Variants in SPTBN1 observed in about 807,000 individuals in gnomAD.
The protein encoded by SPTBN1 is spectrin beta, non-erythrocytic 1.
Under a neutral mutation model 266.4 loss-of-function variants are expected in SPTBN1, and 32 were observed. That is an observed-to-expected ratio of 0.12 (90% confidence interval 0.09 to 0.16). The LOEUF is 0.16. SPTBN1 is among the 10% of genes least tolerant of loss of function. The probability of loss-of-function intolerance (pLI) is 1.00; values close to 1 mark genes in which losing one functional copy is unlikely to be tolerated. For missense variants in SPTBN1, 2,296 were observed against 3,067.1 expected (o/e 0.75, Z 5.94); for synonymous variants, 1,336 against 1,162.2 (o/e 1.15, Z -3.04).
chr2:54,485,793 T>A (rs1668339054), intron 1 of SPTBN1, among the ~76,000 whole-genome samples: 2 of 148,746 alleles, frequency 1.3e-5, no homozygotes, highest in African/African-American at 5.1e-5. Context: ...GAGGAGCGTC[T>A]CTGCCCGGCC....
intron 2 of SPTBN1, among the ~76,000 whole-genome samples, chr2:54,546,284 A>C (rs906977652): frequency 2.0e-5 from 3 of 152,228 alleles, no homozygotes; most frequent in Non-Finnish European, 4.4e-5. Context: ...CATTGACAGA[A>C]TATCAGTGTT....
chr2:54,558,714 G>C lies in SPTBN1; in HGVS notation c.148+32148G>C, dbSNP rs1673055299. Reference sequence around the variant, plus strand: ...TGCGGAGGCTGCTGCGTGTTGGATGGGAGTGGGAGGGGGCTGGAGCGAGAT... The same window carrying C: ...TGCGGAGGCTGCTGCGTGTTGGATGCGAGTGGGAGGGGGCTGGAGCGAGAT... On this transcript the variant is annotated intron_variant, in intron 2 of 35. Transcript: ENST00000356805. This position sits in a 1 kb window ranked among gnomAD's most constrained non-coding sequence, Gnocchi z 4.6. 6.4e-7 allele frequency: 1 copy of C among 1,573,414 alleles called. No individual in the cohort carries two copies. Among genetic ancestry groups the C allele is most frequent in the African/African-American group, 1.3e-5 (1 of 74,264 alleles).
intron 7 of SPTBN1, 87 bp from the exon 8 acceptor site, chr2:54,621,313 G>T: frequency 2.2e-6 from 2 of 896,046 alleles, no homozygotes; most frequent in South Asian, 3.0e-5. Flanking sequence ...GTTCCATGTT[G>T]ACCAGCAGTC....
At chr2:54,625,336 T>TTGA (rs1678252058) in intron 11 of SPTBN1, among the ~76,000 whole-genome samples, 2 of 152,188 alleles carry the variant, frequency 1.3e-5, no homozygotes, top group African/African-American at 4.8e-5. Flanking sequence ...TCCACCTGGC[T>TTGA]TGACATAAGC....
chr2:54,569,359 T>A (rs1462712951), intron 2 of SPTBN1, among the ~76,000 whole-genome samples: 1 of 152,226 alleles, frequency 6.6e-6, no homozygotes, highest in Non-Finnish European at 1.5e-5. Flanking sequence ...TCCTTCCTGT[T>A]ACTCTAGATA....
In SPTBN1 at chr2:54,526,499, C is replaced by T. The variant is rs754038680; in HGVS notation, c.81C>T (p.Val27=). Residue 27 remains valine (V), a synonymous_variant, in exon 2 of 36, where the codon GTC becomes GTT. Transcript: ENST00000356805. ...QYSDVNNRWD[V]DDWDNENSSA... Reference sequence around the variant, plus strand: ...GTGATGTCAACAACCGCTGGGATGTCGACGACTGGGACAATGAGAACAGCT... The same window carrying T: ...GTGATGTCAACAACCGCTGGGATGTTGACGACTGGGACAATGAGAACAGCT... 49 of 1,614,028 alleles carry T rather than the reference C, an allele frequency of 3.0e-5. No homozygotes were observed. The highest frequency in any genetic ancestry group is 8.8e-5 in the South Asian group (8 of 91,076).
chr2:54,649,496 A>G lies in SPTBN1; in HGVS notation c.5203-119A>G, dbSNP rs1680128551. On this transcript the variant is annotated intron_variant, in intron 25 of 35. Coordinates refer to ENST00000356805, the MANE Select transcript of SPTBN1 (RefSeq NM_003128.3). The surrounding 1 kb of genome is among the most constrained non-coding windows in gnomAD (Gnocchi z 6.7). ...AGCTAAGATCTATTGTTCTGAAGTC[A>G]TGAGTATTATTGGCTACATCTTGCT... The G allele has an allele frequency of 1.4e-6, 2 of 1,420,288 alleles. No homozygotes were observed. The highest frequency in any genetic ancestry group is 2.5e-4 in the Middle Eastern group (1 of 3,924). 88.0% of individuals were successfully genotyped at this position (1,420,288 alleles called of 1,614,324 possible).
At chr2:54,608,317 T>A (rs1320117908) in intron 3 of SPTBN1, among the ~76,000 whole-genome samples, 3 of 152,186 alleles carry the variant, frequency 2.0e-5, no homozygotes, top group Admixed American at 2.0e-4. Context: ...CTGGGCTCTG[T>A]GGTCCAGCCT....
Position 54,644,386 on chromosome 2 carries a change from G to C in SPTBN1, c.4069G>C (p.Gly1357Arg). Residue 1357 changes from glycine (G) to arginine (R), a missense_variant, in exon 20 of 36, where the codon GGT (glycine) becomes CGT (arginine). Physicochemically the swap from Gly to Arg is moderately radical, Grantham distance 125. Coordinates refer to ENST00000356805, the MANE Select transcript of SPTBN1 (RefSeq NM_003128.3). ...AGCTGTGGTGAAGGAGAAACTCACT[G>C]GTTTACATAAAATGTGGGAAGTCCT... ...TEAVVKEKLT[G>R]LHKMWEVLES... 6.2e-7 allele frequency: 1 copy of C among 1,614,198 alleles called. No homozygotes were observed. The highest frequency in any genetic ancestry group is 8.5e-7 in the Non-Finnish European group (1 of 1,180,028).
At chr2:54,643,689 A>G (rs1308116142) in intron 19 of SPTBN1, among the ~76,000 whole-genome samples, 4 of 152,002 alleles carry the variant, frequency 2.6e-5, no homozygotes, top group Non-Finnish European at 4.4e-5. Flanking sequence ...CTTCACGGTT[A>G]AAATAATGTG....
chr2:54,475,454 C>T (rs1558758408), intron 1 of SPTBN1, among the ~76,000 whole-genome samples: 1 of 152,050 alleles, frequency 6.6e-6, no homozygotes, highest in Non-Finnish European at 1.5e-5. Context: ...TCTCTGTGGT[C>T]ACATGGGAGA....
intron 18 of SPTBN1, among the ~76,000 whole-genome samples, chr2:54,640,429 G>A (rs1204927090): frequency 1.3e-5 from 2 of 152,130 alleles, no homozygotes; most frequent in Non-Finnish European, 2.9e-5. Flanking sequence ...CCTAGATGAG[G>A]ACAGCTATTG....
chr2:54,478,151 C>G lies in SPTBN1; in HGVS notation c.-48+21633C>G, dbSNP rs575390026. ...CCAGGGATATGACAAACATGGGAAC[C>G]TGCACCAGTTGCCACAGAGCTGTCC... On this transcript the variant is annotated intron_variant, in intron 1 of 35. Transcript: ENST00000356805. 7.9e-5 allele frequency among the ~76,000 whole-genome samples: 12 copies of G among 152,224 alleles called. No homozygotes were observed. The East Asian group carries it at 2.3e-3, about 29-fold the overall frequency.
Position 54,667,647 on chromosome 2 carries a change from G to A in SPTBN1, c.6876+1G>A, listed in dbSNP as rs758480381. The stretch of plus-strand genomic sequence containing the variant: ...GTACCTCTTCCAAGCCAAAGACGAT[G>A]TAAGTTTCTAAATGTTATTTCTCTC... On this transcript the variant is annotated splice_donor_variant, in intron 35 of 35. Transcript: ENST00000356805. LOFTEE classifies it high-confidence loss of function. 2 of 1,613,684 alleles carry A rather than the reference G, an allele frequency of 1.2e-6. No individual in the cohort carries two copies. The highest frequency in any genetic ancestry group is 1.3e-5 in the African/African-American group (1 of 75,052).
rs1475815564 is a variant in SPTBN1 at position 54,558,435 on chromosome 2, G to A, written c.148+31869G>A. ...CCGCGAGCTCCCGGGCTCGGCAACCGTGGCATGCTTAGGATTGGCCATATT... is the reference window on the plus strand; with the variant it reads ...CCGCGAGCTCCCGGGCTCGGCAACCATGGCATGCTTAGGATTGGCCATATT... On this transcript the variant is annotated intron_variant, in intron 2 of 35. Coordinates refer to ENST00000356805, the MANE Select transcript of SPTBN1 (RefSeq NM_003128.3). This position sits in a 1 kb window ranked among gnomAD's most constrained non-coding sequence, Gnocchi z 4.6. 9.7e-7 allele frequency: 1 copy of A among 1,025,726 alleles called. No homozygotes were observed. The highest frequency in any genetic ancestry group is 1.7e-5 in the African/African-American group (1 of 58,718). 63.5% of individuals were successfully genotyped at this position (1,025,726 alleles called of 1,614,324 possible). A position where few individuals can be genotyped will look rare whatever the true frequency, so the allele number is the denominator to read the frequency against.
At chr2:54,509,164 A>G (rs560888198) in intron 1 of SPTBN1, among the ~76,000 whole-genome samples, 40 of 152,350 alleles carry the variant, frequency 2.6e-4, no homozygotes, top group African/African-American at 7.2e-4. Context: ...ACTGCCATCA[A>G]TAAACCAAGT....
Position 54,629,049 on chromosome 2 carries a change from C to T in SPTBN1, c.1915C>T (p.Arg639Cys), listed in dbSNP as rs781186461. 6 of 1,613,708 alleles carry T rather than the reference C, an allele frequency of 3.7e-6. No individual in the cohort carries two copies. The highest frequency in any genetic ancestry group is 1.1e-5 in the South Asian group (1 of 91,094). ...CAGGGCCCGTCTGGAAGAGTCCCGC[C>T]GCCTCTGGAAGTTCTTCTGGGAGAT... ...ERRARLEESR[R>C]LWKFFWEMAE... is the part of the protein sequence containing the mutation. Residue 639 changes from arginine to cysteine, a missense_variant, in exon 14 of 36, where the codon CGC becomes TGC. Around this residue, in one of 12 missense-constraint regions of SPTBN1, gnomAD observed 434 missense variants for 573.9 expected, o/e 0.76. Transcript: ENST00000356805.
At chr2:54,606,762 C>G (rs996940645) in intron 3 of SPTBN1, among the ~76,000 whole-genome samples, 2 of 152,188 alleles carry the variant, frequency 1.3e-5, no homozygotes, top group Admixed American at 1.3e-4. Context: ...CCCACCTCTT[C>G]TAGGGCGGCA....
intron 31 of SPTBN1, 68 bp from the exon 32 acceptor site, chr2:54,659,868 C>G: frequency 6.4e-7 from 1 of 1,557,904 alleles, no homozygotes; most frequent in Non-Finnish European, 8.7e-7. Context: ...TTCTCCCACC[C>G]TTTCTTACTG....
Sources: gnomAD v4.1 joint callset for allele counts (sites outside exome capture counted in the v4.1 genomes callset) on GRCh38, gnomAD v4.1.1 for gene constraint, gnomAD v4.1.1 regional missense constraint, Gnocchi (gnomAD v3.1) non-coding constraint, MANE v1.5 for transcripts, NCBI Gene and HGNC (gene_info 2026-07-23, HGNC 2026-07-21) for gene names.